Variants in ZYG11B observed in about 807,000 individuals in gnomAD.
ZYG11B encodes zyg-11 family member B, cell cycle regulator, also known as protein zyg-11 homolog B.
A neutral mutation model predicts 82.4 loss-of-function variants in ZYG11B; 36 were observed. That is an observed-to-expected ratio of 0.44 (90% confidence interval 0.33 to 0.58). The LOEUF (loss-of-function observed/expected upper bound fraction) is 0.58, where lower values mean the gene tolerates loss of function less well. ZYG11B is among the 20% of genes least tolerant of loss of function. The pLI, the probability that ZYG11B is intolerant of heterozygous loss-of-function variation, is 0.02. For missense variants in ZYG11B, 552 were observed against 895.6 expected (o/e 0.62, Z 4.90); for synonymous variants, 303 against 312.8 (o/e 0.97, Z 0.33).
In ZYG11B at chr1:52,803,173, CATATATATATATATACACAT is replaced by C. The variant is rs1645101957; in HGVS notation, c.1695+1046_1695+1065del. Among the ~76,000 whole-genome samples the C allele has an allele frequency of 2.3e-4, 13 of 55,450 alleles. 1 individual carries two copies. The African/African-American group carries it at 3.0e-3, about 13-fold the overall frequency. The allele number at this position is 55,450 out of a possible 152,430, so 36.4% of individuals were successfully genotyped here. On this transcript the variant is annotated intron_variant, in intron 10 of 13. Transcript: ENST00000294353. ...ATATATACACATATATATATACACACATATATATATATATACACATATATATATATACACACACATATATA... is the reference window on the plus strand; with the variant it reads ...ATATATACACATATATATATACACACATATATATATACACACACATATATA...
At chr1:52,772,404 G>A in intron 3 of ZYG11B, 1 of 1,554,658 alleles carries the variant, frequency 6.4e-7, no homozygotes, top group South Asian at 1.1e-5. Flanking sequence ...AGGAAGATCA[G>A]GAGCAAGTCC....
At chr1:52,793,419 G>C (rs971191727) in intron 6 of ZYG11B, among the ~76,000 whole-genome samples, 1 of 152,046 alleles carries the variant, frequency 6.6e-6, no homozygotes, top group African/African-American at 2.4e-5. Flanking sequence ...GAGAATCCTG[G>C]AGGCAGAGGT....
chr1:52,731,798 C>T (rs1346737721), intron 1 of ZYG11B, among the ~76,000 whole-genome samples: 1 of 152,026 alleles, frequency 6.6e-6, no homozygotes, highest in East Asian at 1.9e-4. Flanking sequence ...ACACTAATAG[C>T]TTTTATTTAT....
chr1:52,774,113 T>G (rs2149940544), intron 3 of ZYG11B, among the ~76,000 whole-genome samples: 1 of 149,222 alleles, frequency 6.7e-6, no homozygotes, highest in South Asian at 2.1e-4. Context: ...CCAGCCAAAC[T>G]CATGAATCAC....
At chr1:52,729,263 C>G (rs1383274695) in intron 1 of ZYG11B, among the ~76,000 whole-genome samples, 1 of 152,134 alleles carries the variant, frequency 6.6e-6, no homozygotes, top group African/African-American at 2.4e-5. Context: ...CCCAAAGGCC[C>G]CACCTCCTCA....
chr1:52,773,254 A>T (rs1035971470), intron 3 of ZYG11B, among the ~76,000 whole-genome samples: 3 of 151,848 alleles, frequency 2.0e-5, no homozygotes, highest in Non-Finnish European at 2.9e-5. Flanking sequence ...TGGGCAGGTC[A>T]CTTGAGGTCA....
At chr1:52,796,859 C>G in intron 8 of ZYG11B, 75 bp downstream of exon 8, 1 of 441,764 alleles carries the variant, frequency 2.3e-6, no homozygotes, top group Non-Finnish European at 3.2e-6. Flanking sequence ...TGTATATTTT[C>G]TGACATTTTT....
rs1437286378 is a variant in ZYG11B at position 52,821,477 on chromosome 1, T to C, written c.2083T>C (p.Leu695=). The change falls in exon 14 of 14, where the codon TTG becomes CTG. Residue 695 remains leucine (L), a synonymous_variant. Transcript: ENST00000294353. The part of the protein sequence containing the change: ...YCSMLIEEGG[L]QHLYNIKDHE... ...CAGCATGCTGATTGAAGAAGGAGGA[T>C]TGCAGCATTTATACAACATCAAAGA... 1 of 1,609,272 alleles carries C rather than the reference T, an allele frequency of 6.2e-7. No homozygotes were observed. Among genetic ancestry groups the C allele is most frequent in the Non-Finnish European group, 8.5e-7 (1 of 1,177,068 alleles).
At chr1:52,803,207 C>T (rs866228438) in intron 10 of ZYG11B, among the ~76,000 whole-genome samples, 5 of 61,926 alleles carry the variant, frequency 8.1e-5, no homozygotes, top group East Asian at 3.8e-3. Flanking sequence ...TATATATACA[C>T]ACACATATAT....
intron 2 of ZYG11B, among the ~76,000 whole-genome samples, chr1:52,769,237 G>C (rs1644725706): frequency 6.6e-6 from 1 of 152,086 alleles, no homozygotes; most frequent in Non-Finnish European, 1.5e-5. Context: ...TCCTGAAATA[G>C]AGTGCAGGTA....
chr1:52,757,872 T>C (rs1051463804), intron 2 of ZYG11B, among the ~76,000 whole-genome samples: 4 of 152,044 alleles, frequency 2.6e-5, no homozygotes, highest in Non-Finnish European at 4.4e-5. Flanking sequence ...TGCTTATGTA[T>C]GGAGTATTTT....
intron 1 of ZYG11B, among the ~76,000 whole-genome samples, chr1:52,726,897 C>G (rs1016915402): frequency 2.6e-5 from 4 of 152,050 alleles, no homozygotes; most frequent in Admixed American, 6.6e-5. Context: ...CCCCCTGAAT[C>G]TCCCTTCTCC....
At chr1:52,787,286 A>G (rs1182069806) in intron 5 of ZYG11B, among the ~76,000 whole-genome samples, 3 of 152,228 alleles carry the variant, frequency 2.0e-5, no homozygotes, top group African/African-American at 7.2e-5. Flanking sequence ...TATTTTAAAA[A>G]ATGCAGAAGA....
At chr1:52,760,222 C>T (rs1009172865) in intron 2 of ZYG11B, among the ~76,000 whole-genome samples, 2 of 152,166 alleles carry the variant, frequency 1.3e-5, no homozygotes, top group African/African-American at 2.4e-5. Flanking sequence ...GCAGGCGATC[C>T]GCCTGAGGTC....
intron 2 of ZYG11B, among the ~76,000 whole-genome samples, chr1:52,756,950 T>A (rs1644583225): frequency 1.3e-5 from 2 of 151,870 alleles, no homozygotes; most frequent in Non-Finnish European, 2.9e-5. Context: ...CCTGTGTAGC[T>A]GGGACCACAG....
intron 1 of ZYG11B, among the ~76,000 whole-genome samples, chr1:52,740,768 T>C (rs1164241856): frequency 6.6e-6 from 1 of 151,718 alleles, no homozygotes; most frequent in Non-Finnish European, 1.5e-5. Flanking sequence ...TTTCACCATG[T>C]TGGCCAGGCT....
At chr1:52,732,904 G>A (rs1022116209) in intron 1 of ZYG11B, among the ~76,000 whole-genome samples, 3 of 151,728 alleles carry the variant, frequency 2.0e-5, no homozygotes, top group African/African-American at 7.3e-5. Context: ...AACCCGGGGG[G>A]CGCGGAGGTT....
In ZYG11B at chr1:52,826,247, A is replaced by G. The variant is rs1358611394; in HGVS notation, c.*4618A>G. On this transcript the variant is annotated 3_prime_UTR_variant, in exon 14 of 14. Coordinates refer to ENST00000294353, the MANE Select transcript of ZYG11B (RefSeq NM_024646.3). ...GGCTTCAGAATACTAACTTTGACAC[A>G]GCTCCCAGAGAGGTTTGCAAACTTT... 1 of 152,192 alleles carries G rather than the reference A, an allele frequency of 6.6e-6. No individual in the cohort carries two copies. Among genetic ancestry groups the G allele is most frequent in the Non-Finnish European group, 1.5e-5 (1 of 68,034 alleles). 9.4% of individuals were successfully genotyped at this position (152,192 alleles called of 1,614,324 possible).
At chr1:52,735,525 A>T (rs554167329) in intron 1 of ZYG11B, among the ~76,000 whole-genome samples, 1 of 151,760 alleles carries the variant, frequency 6.6e-6, no homozygotes, top group East Asian at 2.0e-4. Flanking sequence ...GAGGCGTGCC[A>T]CTCTTCCTAC....
Sources: gnomAD v4.1 joint callset for allele counts (sites outside exome capture counted in the v4.1 genomes callset) on GRCh38, gnomAD v4.1.1 for gene constraint, MANE v1.5 for transcripts, NCBI Gene and HGNC (gene_info 2026-07-23, HGNC 2026-07-21) for gene names.